KIF3C: variants seen among roughly 807,000 people sequenced by gnomAD.
KIF3C encodes the protein kinesin family member 3C.
In KIF3C, 12 loss-of-function variants were observed where a neutral mutation model predicts 67.7. The observed-to-expected ratio is 0.18, with a 90% CI of 0.11 to 0.29. The LOEUF (loss-of-function observed/expected upper bound fraction) is 0.29, where lower values mean the gene tolerates loss of function less well. Among genes scored for constraint, KIF3C ranks in the 10% least tolerant of loss-of-function variants. The probability of loss-of-function intolerance (pLI) is 1.00; values close to 1 mark genes in which losing one functional copy is unlikely to be tolerated. For synonymous variants in KIF3C, 393 were observed against 426.2 expected (o/e 0.92, Z 0.96); for missense variants, 789 against 1,059.6 (o/e 0.74, Z 3.55).
In KIF3C at chr2:25,963,047, TA is replaced by T. The variant is rs1199831922; in HGVS notation, c.1546-6604del. ...TATATAATATATAATATATAATATATAAATATATAAATATATATACACACAT... is the reference window on the plus strand; with the variant it reads ...TATATAATATATAATATATAATATATAATATATAAATATATATACACACAT... On this transcript the variant is annotated intron_variant, in intron 1 of 7. Coordinates refer to ENST00000264712, the MANE Select transcript of KIF3C (RefSeq NM_002254.8). 4.5e-3 allele frequency among the ~76,000 whole-genome samples: 362 copies of T among 79,614 alleles called. 7 individuals are homozygous for T. The highest frequency in any genetic ancestry group is 0.016 in the African/African-American group (300 of 18,330). The allele number at this position is 79,614 out of a possible 152,430, so 52.2% of individuals were successfully genotyped here.
intron 5 of KIF3C, chr2:25,938,374 T>A: frequency 2.6e-6 from 1 of 378,840 alleles, no homozygotes; most frequent in Non-Finnish European, 5.3e-6. Flanking sequence ...AAAAAAAAAT[T>A]ATTTTGTGAA....
rs1418087962 is a variant in KIF3C, at chr2:25,929,355, G to C, written c.2238C>G (p.Asp746Glu). 4 of 1,614,144 alleles carry C rather than the reference G, an allele frequency of 2.5e-6. No individual in the cohort carries two copies. Among genetic ancestry groups the C allele is most frequent in the Non-Finnish European group, 3.4e-6 (4 of 1,180,008 alleles). The change falls in exon 7 of 8, where the codon GAC (aspartate) becomes GAG (glutamate). Residue 746 changes from aspartate to glutamate, a missense_variant. By Grantham distance (45) the Asp-to-Glu change is conservative. Coordinates refer to ENST00000264712, the MANE Select transcript of KIF3C (RefSeq NM_002254.8). ...ALHMERLMRL[D>E]SFLERPSTSK... is the part of the protein sequence containing the mutation. ...ACGTGGAAGGTCTTTCCAGAAAGCTGTCCAATCGCATGAGCCTCTCCATGT... is the reference window on the plus strand; with the variant it reads ...ACGTGGAAGGTCTTTCCAGAAAGCTCTCCAATCGCATGAGCCTCTCCATGT...
At chr2:25,964,996 T>C (rs2149239401) in intron 1 of KIF3C, among the ~76,000 whole-genome samples, 1 of 152,284 alleles carries the variant, frequency 6.6e-6, no homozygotes, top group Non-Finnish European at 1.5e-5. Flanking sequence ...CAATCTCTCC[T>C]GCGGGCTGGG....
At chr2:25,974,772 A>T (rs1294781073) in intron 1 of KIF3C, among the ~76,000 whole-genome samples, 3 of 152,046 alleles carry the variant, frequency 2.0e-5, no homozygotes, top group Non-Finnish European at 4.4e-5. Flanking sequence ...CATGCCTATA[A>T]TCCCAGCACT....
rs144580103 is a variant in KIF3C at position 25,980,664 on chromosome 2, C to T, written c.1254G>A (p.Pro418=). The change falls in exon 1 of 8, where the codon CCG becomes CCA. Residue 418 remains proline, a synonymous_variant. Transcript: ENST00000264712. The surrounding 1 kb of genome is among the most constrained non-coding windows in gnomAD (Gnocchi z 7.6). ...TCACTGGGCCCTCAGGGTACCCAGG[C>T]GGGGCGGACACGGCCTTCTTCCTGC... ...SSRRKKAVSA[P]PGYPEGPVIE... The T allele has an allele frequency of 7.6e-5, 122 of 1,613,938 alleles. No individual in the cohort carries two copies. The highest frequency in any genetic ancestry group is 3.1e-4 in the East Asian group (14 of 44,888).
chr2:25,950,422 ATGTTGGTCAGGCTGGTCTCAAATTCC>A (rs1184881955), intron 5 of KIF3C, among the ~76,000 whole-genome samples: 1 of 150,750 alleles, frequency 6.6e-6, no homozygotes, highest in Non-Finnish European at 1.5e-5. Context: ...GGGTTTCACT[ATGTTGGTCAGGCTGGTCTCAAATTCC>A]TGACCTCAGG....
At position 25,979,511 on chromosome 2, in the gene KIF3C, C is replaced by T. The variant is rs79216736; in HGVS notation, c.1545+862G>A. On this transcript the variant is annotated intron_variant, in intron 1 of 7. Coordinates refer to ENST00000264712, the MANE Select transcript of KIF3C (RefSeq NM_002254.8). ...TATTTTACAGAAAGGTAAACTGAGG[C>T]CTGAGAAAAGAGAGAAGCAACTTAC... Among the ~76,000 whole-genome samples the T allele has an allele frequency of 3.7e-3, 564 of 152,208 alleles. 6 individuals are homozygous for T. The highest frequency in any genetic ancestry group is 0.013 in the African/African-American group (526 of 41,522).
chr2:25,954,225 C>G, intron 4 of KIF3C, 42 bp downstream of exon 4: 1 of 1,435,510 alleles, frequency 7.0e-7, no homozygotes, highest in African/African-American at 1.4e-5. Flanking sequence ...GTAATGATGG[C>G]TGGCTGTGGG....
rs113273758 is a variant in KIF3C, at chr2:25,950,867, T to C, written c.2006+922A>G. On this transcript the variant is annotated intron_variant, in intron 5 of 7. Transcript: ENST00000264712. ...AAGTAAAATCAGCCTTTAAGAAAGATCAAATAGGCATCTAAGCTATAGTTG... is the reference window on the plus strand; with the variant it reads ...AAGTAAAATCAGCCTTTAAGAAAGACCAAATAGGCATCTAAGCTATAGTTG... Among the ~76,000 whole-genome samples, 174 of 132,344 alleles carry C rather than the reference T, an allele frequency of 1.3e-3. 1 individual carries two copies. Among genetic ancestry groups the C allele is most frequent in the African/African-American group, 4.6e-3 (165 of 35,760 alleles). 86.8% of individuals were successfully genotyped at this position (132,344 alleles called of 152,430 possible).
intron 1 of KIF3C, among the ~76,000 whole-genome samples, chr2:25,966,652 T>C (rs1433756607): frequency 6.6e-6 from 1 of 152,058 alleles, no homozygotes; most frequent in Non-Finnish European, 1.5e-5. Flanking sequence ...AGCACTGACG[T>C]GGAAAGCTAG....
intron 1 of KIF3C, among the ~76,000 whole-genome samples, chr2:25,968,989 A>T (rs543385409): frequency 1.5e-3 from 228 of 152,118 alleles, no homozygotes; most frequent in African/African-American, 5.4e-3. Context: ...ACACCCAGCT[A>T]ATTTTTGCAT....
intron 1 of KIF3C, among the ~76,000 whole-genome samples, chr2:25,964,824 G>A (rs1664101317): frequency 6.6e-6 from 1 of 152,066 alleles, no homozygotes; most frequent in African/African-American, 2.4e-5. Flanking sequence ...AGTCAGGCCT[G>A]GGGTCTGATG....
chr2:25,941,683 A>G (rs1317696823), intron 5 of KIF3C, among the ~76,000 whole-genome samples: 2 of 152,106 alleles, frequency 1.3e-5, no homozygotes, highest in Admixed American at 6.6e-5. Context: ...ACTTGAATCC[A>G]GGAGTTCAAG....
chr2:25,942,901 AG>A (rs550264397), intron 5 of KIF3C, among the ~76,000 whole-genome samples: 114 of 152,292 alleles, frequency 7.5e-4, no homozygotes, highest in South Asian at 2.1e-3. Flanking sequence ...TGTTTGAGAG[AG>A]AGGCACTGGT....
At chr2:25,962,539 C>T (rs1184088248) in intron 1 of KIF3C, among the ~76,000 whole-genome samples, 4 of 150,512 alleles carry the variant, frequency 2.7e-5, no homozygotes, top group East Asian at 2.0e-4. Flanking sequence ...CCACCACACC[C>T]GGCTAATTTT....
rs6731972 is a variant in KIF3C at position 25,928,337 on chromosome 2, T to C, written c.*641A>G. The C allele has an allele frequency of 0.78, 118,891 of 152,120 alleles. 48,090 individuals carry two copies. The highest frequency in any genetic ancestry group is 0.87 in the Non-Finnish European group (59,156 of 68,064). 9.4% of individuals were successfully genotyped at this position (152,120 alleles called of 1,614,324 possible). On this transcript the variant is annotated 3_prime_UTR_variant, in exon 8 of 8. Transcript: ENST00000264712. ...GGGCAGAAAGCAGAGTTTGGGAAGC[T>C]GTGAGTTCTTGTCAAAGCTGAAGGG...
chr2:25,975,649 T>G (rs1368232999), intron 1 of KIF3C, among the ~76,000 whole-genome samples: 1 of 152,178 alleles, frequency 6.6e-6, no homozygotes, highest in Non-Finnish European at 1.5e-5. Context: ...GGAGCTCTGT[T>G]TTCTCATCTA....
At chr2:25,954,589 C>G (rs1279362503) in intron 3 of KIF3C, among the ~76,000 whole-genome samples, 1 of 152,228 alleles carries the variant, frequency 6.6e-6, no homozygotes, top group East Asian at 1.9e-4. Context: ...CCCTCCTTCA[C>G]TGAGGCCTGT....
rs1189262529 is a variant in KIF3C at position 25,929,041 on chromosome 2, G to A, written c.2319C>T (p.Ser773=). ...WCQSPQRPPP[S]TTHASLASAS... ...CAGAGGCCAGGGAGGCATGTGTGGT[G>A]GAAGGTGGAGGCCGCTGAGGACTCT... The change falls in exon 8 of 8, where the codon TCC becomes TCT. Residue 773 remains serine (S), a synonymous_variant. Transcript: ENST00000264712. The A allele has an allele frequency of 1.2e-6, 2 of 1,613,810 alleles. No individual in the cohort carries two copies. The highest frequency in any genetic ancestry group is 1.7e-6 in the Non-Finnish European group (2 of 1,179,932).
Sources: allele counts gnomAD v4.1 joint callset (sites outside exome capture counted in the v4.1 genomes callset), GRCh38; gene constraint gnomAD v4.1.1; non-coding constraint Gnocchi (gnomAD v3.1); transcripts MANE v1.5; gene names NCBI Gene and HGNC (gene_info 2026-07-23, HGNC 2026-07-21).